The following LYRM4 variants were observed in gnomAD, a reference collection of about 807,000 sequenced individuals.
LYRM4 encodes LYR motif-containing protein 4.
Under a neutral mutation model 11.7 loss-of-function variants are expected in LYRM4, and 9 were observed. The ratio of observed to expected loss-of-function variants is 0.77; its 90% CI spans 0.46 to 1.34. The LOEUF is 1.34. Among genes scored for constraint, LYRM4 ranks in the 40% most tolerant of loss-of-function variants. The probability of loss-of-function intolerance (pLI) is 0.00; values close to 1 mark genes in which losing one functional copy is unlikely to be tolerated. For synonymous variants in LYRM4, 42 were observed against 40.4 expected (o/e 1.04, Z -0.15); for missense variants, 133 against 112.5 (o/e 1.18, Z -0.82).
intron 2 of LYRM4, among the ~76,000 whole-genome samples, chr6:5,205,839 C>T (rs1444376709): frequency 1.3e-5 from 2 of 152,182 alleles, no homozygotes; most frequent in Non-Finnish European, 2.9e-5. Context: ...TAACCTATCA[C>T]CTGTAGGAAA....
intron 1 of LYRM4, among the ~76,000 whole-genome samples, chr6:5,230,434 C>T (rs1055393519): frequency 2.0e-5 from 3 of 152,116 alleles, no homozygotes; most frequent in Non-Finnish European, 4.4e-5. Context: ...TTTTTCCCCC[C>T]ACCTATCAGA....
intron 2 of LYRM4, chr6:5,138,575 GT>G (rs11301112): frequency 0.83 from 370,732 of 445,012 alleles, 154,899 homozygotes; most frequent in East Asian, 0.92. Flanking sequence ...AATAATGACT[GT>G]TTTTTTTATG....
the LYRM4 span, among the ~76,000 whole-genome samples, chr6:5,059,551 G>A: frequency 6.6e-6 from 1 of 152,112 alleles, no homozygotes; most frequent in South Asian, 2.1e-4. Flanking sequence ...GTCGCAGGAA[G>A]AGGACTGTGG....
intron 2 of LYRM4, among the ~76,000 whole-genome samples, chr6:5,188,120 G>A (rs982062774): frequency 1.3e-5 from 2 of 152,190 alleles, no homozygotes; most frequent in Non-Finnish European, 2.9e-5. Context: ...AGGCTGAGGT[G>A]GGAGGACTAC....
At chr6:5,073,484 A>C in the LYRM4 span, among the ~76,000 whole-genome samples, 451 of 148,436 alleles carry the variant, frequency 3.0e-3, 1 homozygote, top group African/African-American at 0.01. Context: ...TATTTTATAT[A>C]TCTATATATA....
At chr6:5,047,426 A>G in the LYRM4 span, among the ~76,000 whole-genome samples, 1 of 152,194 alleles carries the variant, frequency 6.6e-6, no homozygotes, top group Non-Finnish European at 1.5e-5. Context: ...TGATCTTCCA[A>G]AAACATGTAT....
intron 2 of LYRM4, among the ~76,000 whole-genome samples, chr6:5,143,428 A>G (rs913960898): frequency 5.3e-5 from 8 of 152,206 alleles, no homozygotes; most frequent in African/African-American, 1.9e-4. Context: ...AGCGTAATAT[A>G]TTGGTGACTG....
intron 1 of LYRM4, among the ~76,000 whole-genome samples, chr6:5,260,139 C>T (rs772226869): frequency 7.9e-5 from 12 of 152,138 alleles, no homozygotes; most frequent in Non-Finnish European, 1.2e-4. Flanking sequence ...CCACCATACC[C>T]TAAATAGAAT....
intron 2 of LYRM4, among the ~76,000 whole-genome samples, chr6:5,160,057 G>A (rs776070176): frequency 1.3e-5 from 2 of 152,212 alleles, no homozygotes; most frequent in Non-Finnish European, 1.5e-5. Context: ...CCACCCATCC[G>A]GAAGTGAGGT....
At chr6:5,239,855 G>C (rs998120596) in intron 1 of LYRM4, among the ~76,000 whole-genome samples, 5 of 152,124 alleles carry the variant, frequency 3.3e-5, no homozygotes, top group Admixed American at 3.3e-4. Flanking sequence ...GAGGGTCCCT[G>C]AGCATAGGCC....
chr6:5,231,805 T>C (rs998655916), intron 1 of LYRM4, among the ~76,000 whole-genome samples: 12 of 152,250 alleles, frequency 7.9e-5, no homozygotes, highest in African/African-American at 2.9e-4. Context: ...AAACAAAGTT[T>C]GTTTGCTTGG....
chr6:5,079,235 A>T, the LYRM4 span, among the ~76,000 whole-genome samples: 1 of 152,250 alleles, frequency 6.6e-6, no homozygotes. Context: ...GGCTGGGATC[A>T]GTAAACTGTC....
At chr6:5,212,730 T>A (rs888867847) in intron 2 of LYRM4, among the ~76,000 whole-genome samples, 7 of 152,184 alleles carry the variant, frequency 4.6e-5, no homozygotes, top group African/African-American at 1.7e-4. Flanking sequence ...GGCTATGACA[T>A]GAGGCATGAA....
chr6:5,141,679 A>G (rs577903067), intron 2 of LYRM4, among the ~76,000 whole-genome samples: 5 of 152,218 alleles, frequency 3.3e-5, no homozygotes, highest in African/African-American at 9.6e-5. Flanking sequence ...GCATCTCAAC[A>G]CTCACGGAGG....
At chr6:5,227,447 G>A (rs1426747490) in intron 1 of LYRM4, among the ~76,000 whole-genome samples, 1 of 152,180 alleles carries the variant, frequency 6.6e-6, no homozygotes, top group Non-Finnish European at 1.5e-5. Flanking sequence ...AGATAAGATT[G>A]TTAGGATGTC....
intron 2 of LYRM4, among the ~76,000 whole-genome samples, chr6:5,154,539 G>C (rs571032941): frequency 6.6e-5 from 10 of 151,896 alleles, no homozygotes; most frequent in African/African-American, 2.4e-4. Context: ...GGATTCGGCC[G>C]GGCGCGGTGG....
At chr6:5,035,091 G>C in the LYRM4 span, among the ~76,000 whole-genome samples, 1 of 152,204 alleles carries the variant, frequency 6.6e-6, no homozygotes. Context: ...TGTTTCAGCT[G>C]ATGAAAACGT....
At chr6:5,092,136 T>C in the LYRM4 span, among the ~76,000 whole-genome samples, 1 of 152,318 alleles carries the variant, frequency 6.6e-6, no homozygotes. Flanking sequence ...ATCCTGCAGA[T>C]GGTTTTTCTA....
At chr6:5,052,687 A>T in the LYRM4 span, among the ~76,000 whole-genome samples, 1,106 of 152,340 alleles carry the variant, frequency 7.3e-3, 15 homozygotes, top group African/African-American at 0.025. Context: ...GCGAATGTAC[A>T]TAATGCCACT....
Sources: gnomAD v4.1 joint callset for allele counts (sites outside exome capture counted in the v4.1 genomes callset) on GRCh38, gnomAD v4.1.1 for gene constraint, MANE v1.5 for transcripts, NCBI Gene and HGNC (gene_info 2026-07-23, HGNC 2026-07-21) for gene names.